ALDH1A2: variants seen among roughly 807,000 people sequenced by gnomAD.
The protein encoded by ALDH1A2 is retinal dehydrogenase 2.
In ALDH1A2, 27 loss-of-function variants were observed where a neutral mutation model predicts 60.3. The observed-to-expected ratio is 0.45, with a 90% CI of 0.33 to 0.62. The LOEUF (loss-of-function observed/expected upper bound fraction) is 0.62. Among genes scored for constraint, ALDH1A2 ranks in the 20% least tolerant of loss-of-function variants. ALDH1A2 has a pLI of 0.02. For synonymous variants in ALDH1A2, 289 were observed against 232.4 expected (o/e 1.24, Z -2.21); for missense variants, 581 against 643.8 (o/e 0.90, Z 1.06).
chr15:58,005,479 G>T (rs1192615660), intron 4 of ALDH1A2, among the ~76,000 whole-genome samples: 1 of 151,984 alleles, frequency 6.6e-6, no homozygotes, highest in Admixed American at 6.6e-5. Flanking sequence ...AGAAATGGGT[G>T]AAGGAATAAG....
chr15:58,036,362 C>T (rs1456197169), intron 1 of ALDH1A2, among the ~76,000 whole-genome samples: 2 of 151,572 alleles, frequency 1.3e-5, no homozygotes, highest in Non-Finnish European at 3.0e-5. Flanking sequence ...TGCATAATGA[C>T]AGAAAGACAC....
chr15:58,023,583 T>A (rs1359636413), intron 1 of ALDH1A2, among the ~76,000 whole-genome samples: 1 of 140,570 alleles, frequency 7.1e-6, no homozygotes, highest in African/African-American at 2.7e-5. Context: ...GGAAACCCCA[T>A]CAAACTAACA....
intron 1 of ALDH1A2, among the ~76,000 whole-genome samples, chr15:58,059,956 C>G (rs779330776): frequency 1.0e-3 from 152 of 152,300 alleles, no homozygotes; most frequent in Non-Finnish European, 1.6e-3. Context: ...AAGTTTCACT[C>G]TTGTCGCCCA....
intron 7 of ALDH1A2, among the ~76,000 whole-genome samples, chr15:57,969,592 A>G (rs1196944265): frequency 1.3e-5 from 2 of 152,200 alleles, no homozygotes; most frequent in African/African-American, 4.8e-5. Context: ...AAGGGTGCAC[A>G]CGTTTTCCAA....
intron 12 of ALDH1A2, among the ~76,000 whole-genome samples, chr15:57,957,745 G>A (rs954796205): frequency 2.0e-5 from 3 of 152,102 alleles, no homozygotes; most frequent in Non-Finnish European, 2.9e-5. Context: ...GTAGCTCTTC[G>A]CCAGCCATTT....
chr15:58,008,175 C>A (rs1168543499), intron 4 of ALDH1A2, among the ~76,000 whole-genome samples: 2 of 152,064 alleles, frequency 1.3e-5, no homozygotes, highest in Non-Finnish European at 2.9e-5. Flanking sequence ...AGAATTCTGT[C>A]AACAGGCCTG....
intron 7 of ALDH1A2, among the ~76,000 whole-genome samples, chr15:57,981,050 A>G (rs1894484018): frequency 6.6e-6 from 1 of 152,022 alleles, no homozygotes; most frequent in African/African-American, 2.4e-5. Flanking sequence ...TTTCTGTGGG[A>G]TCCGTGGTGA....
chr15:57,965,352 CT>C (rs1448430490), intron 8 of ALDH1A2, among the ~76,000 whole-genome samples: 2 of 152,178 alleles, frequency 1.3e-5, no homozygotes, highest in Non-Finnish European at 2.9e-5. Context: ...TTAAAATGGT[CT>C]ACCAGCCACC....
chr15:58,061,107 C>G (rs1897021994), intron 1 of ALDH1A2, among the ~76,000 whole-genome samples: 1 of 152,076 alleles, frequency 6.6e-6, no homozygotes, highest in Admixed American at 6.5e-5. Flanking sequence ...CGAGGAGTCC[C>G]TCAGCAAATG....
intron 4 of ALDH1A2, among the ~76,000 whole-genome samples, chr15:58,003,609 C>A (rs1036699482): frequency 6.6e-6 from 1 of 151,772 alleles, no homozygotes; most frequent in African/African-American, 2.4e-5. Context: ...TCAACACTTG[C>A]TACAGAGAAA....
intron 4 of ALDH1A2, among the ~76,000 whole-genome samples, chr15:57,996,384 ATC>A (rs1412219745): frequency 6.6e-6 from 1 of 150,702 alleles, no homozygotes; most frequent in African/African-American, 2.4e-5. Flanking sequence ...TGCCATAATT[ATC>A]TGTTTCCTCT....
chr15:58,051,011 C>T (rs1371450717), intron 1 of ALDH1A2, among the ~76,000 whole-genome samples: 2 of 152,080 alleles, frequency 1.3e-5, no homozygotes, highest in Non-Finnish European at 2.9e-5. Flanking sequence ...TGACGGTAAA[C>T]AAAATGCTGA....
chr15:58,000,193 A>C (rs1895216646), intron 4 of ALDH1A2, among the ~76,000 whole-genome samples: 1 of 151,988 alleles, frequency 6.6e-6, no homozygotes, highest in African/African-American at 2.4e-5. Flanking sequence ...CAGGTAATCC[A>C]GAACTAAAAT....
At chr15:57,976,639 C>T (rs6493970) in intron 7 of ALDH1A2, among the ~76,000 whole-genome samples, 2,247 of 152,208 alleles carry the variant, frequency 0.015, 67 homozygotes, top group African/African-American at 0.051. Flanking sequence ...GTATATGTGC[C>T]ACATTTTCTT....
rs1388792596 is a variant in ALDH1A2 at position 57,979,852 on chromosome 15, C to A, written c.798+12853G>T. ...GTACTTGGGGTCACATATATGCTGG[C>A]CCAGGCCAAAGACCTGGCTACTATG... is the stretch of plus-strand genomic sequence containing the variant. On this transcript the variant is annotated intron_variant, in intron 7 of 12. Coordinates refer to ENST00000249750, the MANE Select transcript of ALDH1A2 (RefSeq NM_003888.4). 15 of 312,818 alleles carry A rather than the reference C, an allele frequency of 4.8e-5. No homozygotes were observed. The East Asian group carries it at 1.3e-3, about 27-fold the overall frequency. The allele number at this position is 312,818 out of a possible 1,614,324, so 19.4% of individuals were successfully genotyped here. A position where few individuals can be genotyped will look rare whatever the true frequency, so the allele number is the denominator to read the frequency against.
chr15:58,049,264 T>C (rs1003697346), intron 1 of ALDH1A2, among the ~76,000 whole-genome samples: 4 of 152,064 alleles, frequency 2.6e-5, no homozygotes, highest in African/African-American at 9.7e-5. Flanking sequence ...TCCTCTCGCA[T>C]GATTTCTTTA....
chr15:58,019,710 T>C (rs115083897), intron 1 of ALDH1A2, among the ~76,000 whole-genome samples: 481 of 152,278 alleles, frequency 3.2e-3, no homozygotes, highest in African/African-American at 0.011. Flanking sequence ...CACTGACATA[T>C]TATAGGTTGT....
chr15:58,058,682 A>T (rs1198281096), intron 1 of ALDH1A2, among the ~76,000 whole-genome samples: 1 of 152,162 alleles, frequency 6.6e-6, no homozygotes, highest in Non-Finnish European at 1.5e-5. Flanking sequence ...CCTAAACAAA[A>T]GCTTTTCTCT....
chr15:58,049,099 A>T (rs909502792), intron 1 of ALDH1A2, among the ~76,000 whole-genome samples: 1 of 151,934 alleles, frequency 6.6e-6, no homozygotes, highest in Admixed American at 6.6e-5. Context: ...CTGTTCTTTC[A>T]CTCAGCGTAT....
Sources: gnomAD v4.1 joint callset for allele counts (sites outside exome capture counted in the v4.1 genomes callset) on GRCh38, gnomAD v4.1.1 for gene constraint, MANE v1.5 for transcripts, NCBI Gene and HGNC (gene_info 2026-07-23, HGNC 2026-07-21) for gene names.